Variants in SRBD1 observed in about 807,000 individuals in gnomAD.
SRBD1 encodes S1 RNA binding domain 1.
A neutral mutation model predicts 115.3 loss-of-function variants in SRBD1; 88 were observed. That is an observed-to-expected ratio of 0.76 (90% CI 0.64 to 0.91). The LOEUF (loss-of-function observed/expected upper bound fraction) is 0.91, where lower values mean the gene tolerates loss of function less well. Ranked by LOEUF, SRBD1 falls within the 40% of genes least tolerant of loss-of-function variation. The pLI is 0.00. For synonymous variants in SRBD1, 509 were observed against 407.7 expected, an observed-to-expected ratio of 1.25 and a Z score of -2.99; for missense variants, 1,385 against 1,177.4, an observed-to-expected ratio of 1.18 and a Z score of -2.58.
At chr2:45,458,865 T>C (rs151157675) in intron 16 of SRBD1, among the ~76,000 whole-genome samples, 14 of 152,276 alleles carry the variant, frequency 9.2e-5, no homozygotes, top group Admixed American at 2.0e-4. Flanking sequence ...GAATCACTAA[T>C]TTTTTATGTA....
At chr2:45,505,484 G>C (rs922443661) in intron 14 of SRBD1, among the ~76,000 whole-genome samples, 2 of 152,176 alleles carry the variant, frequency 1.3e-5, no homozygotes, top group Admixed American at 6.5e-5. Context: ...AAATAGCTGA[G>C]CACAATGGCA....
chr2:45,429,212 G>C (rs945535709), intron 16 of SRBD1, among the ~76,000 whole-genome samples: 3 of 152,058 alleles, frequency 2.0e-5, no homozygotes, highest in East Asian at 3.9e-4. Context: ...AATTCCACCA[G>C]AGGTACAAAG....
At chr2:45,418,172 G>A (rs555275769) in intron 18 of SRBD1, among the ~76,000 whole-genome samples, 193 bp downstream of exon 18, 26 of 152,264 alleles carry the variant, frequency 1.7e-4, no homozygotes, top group African/African-American at 6.0e-4. Context: ...ATAACTCCAT[G>A]AGAATCCGGA....
Position 45,546,806 on chromosome 2 carries a change from G to C in SRBD1, c.1800C>G (p.Ala600=). 6.2e-7 allele frequency: 1 copy of C among 1,614,072 alleles called. No individual in the cohort carries two copies. The highest frequency in any genetic ancestry group is 1.3e-5 in the African/African-American group (1 of 75,018). ...CSTVVIGNGT[A]CRETEAYFAD... is the part of the protein sequence containing the mutation. ...CAAAGTAAGCTTCTGTTTCCCTGCA[G>C]GCAGTTCCATTTCCAATCACTACTG... Residue 600 remains alanine (A), a synonymous_variant, in exon 14 of 21, where the codon GCC becomes GCG. Coordinates refer to ENST00000263736, the MANE Select transcript of SRBD1 (RefSeq NM_018079.5).
At chr2:45,472,093 G>A (rs1188766567) in intron 16 of SRBD1, among the ~76,000 whole-genome samples, 1 of 151,982 alleles carries the variant, frequency 6.6e-6, no homozygotes, top group Admixed American at 6.6e-5. Flanking sequence ...ACCAACTGAT[G>A]AATGAACAAA....
intron 15 of SRBD1, among the ~76,000 whole-genome samples, chr2:45,486,439 G>A (rs980105621): frequency 3.3e-5 from 5 of 152,134 alleles, no homozygotes; most frequent in African/African-American, 4.8e-5. Context: ...TTTTAGAAGT[G>A]GGGATAGGCT....
Position 45,562,729 on chromosome 2 carries a change from A to G in SRBD1, c.1333T>C (p.Leu445=), listed in dbSNP as rs745511617. 6.2e-7 allele frequency: 1 copy of G among 1,609,848 alleles called. No individual in the cohort carries two copies. ...TTGACCTTAACCGTCAGTACCTTCA[A>G]ATTTTCTCCACGGTTAATTGCCAGA... is the stretch of plus-strand genomic sequence containing the variant. ...QILAINRGEN[L]KVLTVKVNIS... Residue 445 remains leucine, a synonymous_variant, in exon 10 of 21, where the codon TTG becomes CTG. Transcript: ENST00000263736.
intron 16 of SRBD1, among the ~76,000 whole-genome samples, chr2:45,444,704 A>G (rs1200661389): frequency 6.6e-6 from 1 of 152,224 alleles, no homozygotes; most frequent in Non-Finnish European, 1.5e-5. Context: ...GGATAATTTC[A>G]ATAATCTTTT....
At position 45,418,463 on chromosome 2, in the gene SRBD1, T is replaced by G. The variant is rs141363238; in HGVS notation, c.2235A>C (p.Arg745=). 1.2e-5 allele frequency: 20 copies of G among 1,613,848 alleles called. No homozygotes were observed. The highest frequency in any genetic ancestry group is 1.4e-5 in the Non-Finnish European group (17 of 1,179,972). ...GCCCTTTCACTTTCTTCAGCTGTTCTCGGTTGATAAAGGGTCCATTTTTCT... is the reference window on the plus strand; with the variant it reads ...GCCCTTTCACTTTCTTCAGCTGTTCGCGGTTGATAAAGGGTCCATTTTTCT... ...WREKNGPFIN[R]EQLKKVKGLG... is the part of the protein sequence containing the mutation. Residue 745 remains arginine (R), a synonymous_variant, in exon 18 of 21, where the codon CGA becomes CGC. Coordinates refer to ENST00000263736, the MANE Select transcript of SRBD1 (RefSeq NM_018079.5).
intron 16 of SRBD1, among the ~76,000 whole-genome samples, chr2:45,438,360 A>C (rs1296760484): frequency 6.6e-6 from 1 of 152,222 alleles, no homozygotes; most frequent in Admixed American, 6.5e-5. Context: ...AGACATACAA[A>C]AATGCAGGCA....
chr2:45,509,670 A>G (rs527542048), intron 14 of SRBD1, among the ~76,000 whole-genome samples: 16 of 150,418 alleles, frequency 1.1e-4, no homozygotes, highest in Non-Finnish European at 2.1e-4. Flanking sequence ...TAAAGGTCAT[A>G]TTTTCCCTTT....
In SRBD1 at chr2:45,389,327, G is replaced by C; in HGVS notation, c.2971C>G (p.Leu991Val). ...TGGGATACTCATAACACCCGAATGAGGTCCAGAGTAATCCTAGATCGGGGG... is the reference window on the plus strand; with the variant it reads ...TGGGATACTCATAACACCCGAATGACGTCCAGAGTAATCCTAGATCGGGGG... ...DIPRSRITLD[L>V]IRVL is the part of the protein sequence containing the mutation. The change falls in exon 21 of 21, where the codon CTC becomes GTC. Residue 991 changes from leucine (L) to valine (V), a missense_variant. Transcript: ENST00000263736. 6.2e-7 allele frequency: 1 copy of C among 1,613,740 alleles called. No individual in the cohort carries two copies. The highest frequency in any genetic ancestry group is 8.5e-7 in the Non-Finnish European group (1 of 1,179,778).
At chr2:45,537,781 T>C (rs528796156) in intron 14 of SRBD1, among the ~76,000 whole-genome samples, 56 of 152,296 alleles carry the variant, frequency 3.7e-4, no homozygotes, top group African/African-American at 1.2e-3. Context: ...GAACACTTCA[T>C]GAGCTTCACA....
chr2:45,435,474 C>T (rs976616937), intron 16 of SRBD1, among the ~76,000 whole-genome samples: 1 of 151,238 alleles, frequency 6.6e-6, no homozygotes, highest in Non-Finnish European at 1.5e-5. Flanking sequence ...ATTCCAGTTA[C>T]TCATATAAGT....
intron 16 of SRBD1, among the ~76,000 whole-genome samples, chr2:45,466,914 A>G (rs1253057397): frequency 6.6e-6 from 1 of 152,224 alleles, no homozygotes; most frequent in Non-Finnish European, 1.5e-5. Context: ...CAGCACAGTT[A>G]TCACCTGAGT....
intron 1 of SRBD1, among the ~76,000 whole-genome samples, chr2:45,610,656 C>T (rs1181702374): frequency 6.6e-6 from 1 of 152,228 alleles, no homozygotes; most frequent in Non-Finnish European, 1.5e-5. Flanking sequence ...TTACTGAGCG[C>T]CTCCTACATG....
chr2:45,564,566 G>A (rs1393937500), intron 9 of SRBD1, among the ~76,000 whole-genome samples: 1 of 152,054 alleles, frequency 6.6e-6, no homozygotes, highest in Non-Finnish European at 1.5e-5. Context: ...CAGAACACAA[G>A]CTCAACAAAT....
At chr2:45,480,076 C>T (rs1669914573) in intron 15 of SRBD1, among the ~76,000 whole-genome samples, 1 of 152,144 alleles carries the variant, frequency 6.6e-6, no homozygotes, top group Non-Finnish European at 1.5e-5. Context: ...TGGAGACCTA[C>T]TGCTCAGAAA....
chr2:45,489,501 G>A (rs1053732887), intron 14 of SRBD1, among the ~76,000 whole-genome samples: 3 of 151,432 alleles, frequency 2.0e-5, no homozygotes, highest in South Asian at 4.2e-4. Flanking sequence ...TCTGGGGAAT[G>A]TGACAACTTC....
Sources: allele counts gnomAD v4.1 joint callset (sites outside exome capture counted in the v4.1 genomes callset), GRCh38; gene constraint gnomAD v4.1.1; transcripts MANE v1.5; gene names NCBI Gene and HGNC (gene_info 2026-07-23, HGNC 2026-07-21).